Variants in TBCD observed in about 807,000 individuals in gnomAD.
TBCD encodes the protein tubulin-specific chaperone D.
TBCD carries 105 observed loss-of-function variants against 169.3 expected under a neutral mutation model. The observed-to-expected ratio is 0.62, with a 90% CI of 0.53 to 0.73. The LOEUF is 0.73. Among genes scored for constraint, TBCD ranks in the 30% least tolerant of loss-of-function variants. The probability of loss-of-function intolerance (pLI) is 0.00; values close to 1 mark genes in which losing one functional copy is unlikely to be tolerated. For missense variants in TBCD, 1,444 were observed against 1,600.1 expected (o/e 0.90, Z 1.66); for synonymous variants, 700 against 643.9 (o/e 1.09, Z -1.32).
intron 14 of TBCD, among the ~76,000 whole-genome samples, chr17:82,881,788 C>T (rs1205905975): frequency 6.6e-6 from 1 of 152,192 alleles, no homozygotes; most frequent in Non-Finnish European, 1.5e-5. Flanking sequence ...AAAGATGCTT[C>T]CTATGTTTAT....
chr17:82,828,542 A>G (rs1355989276), intron 13 of TBCD, among the ~76,000 whole-genome samples: 1 of 63,610 alleles, frequency 1.6e-5, no homozygotes, highest in Non-Finnish European at 3.5e-5. Context: ...CACCGGCACA[A>G]TGGAATGTGC....
At chr17:82,936,513 C>T (rs1383714037) in intron 34 of TBCD, among the ~76,000 whole-genome samples, 3 of 152,172 alleles carry the variant, frequency 2.0e-5, no homozygotes, top group South Asian at 2.1e-4. Flanking sequence ...TCTCTCGGGA[C>T]GTTGCGTTTG....
chr17:82,944,815 T>C lies in TBCD; in HGVS notation c.*2352T>C, dbSNP rs1042296201. Reference sequence around the variant, plus strand: ...CTGGAATCTAGTCACGCTATTTTGATAGCAGAATGGATGAGAGAATTTAAG... The same window carrying C: ...CTGGAATCTAGTCACGCTATTTTGACAGCAGAATGGATGAGAGAATTTAAG... On this transcript the variant is annotated 3_prime_UTR_variant, in exon 39 of 39. Coordinates refer to ENST00000355528, the MANE Select transcript of TBCD (RefSeq NM_005993.5). 4.6e-5 allele frequency: 7 copies of C among 152,186 alleles called. No homozygotes were observed. Among genetic ancestry groups the C allele is most frequent in the Non-Finnish European group, 8.8e-5 (6 of 68,028 alleles). 9.4% of individuals were successfully genotyped at this position (152,186 alleles called of 1,614,324 possible).
intron 11 of TBCD, among the ~76,000 whole-genome samples, chr17:82,808,663 G>C (rs1236487640): frequency 2.9e-5 from 4 of 136,934 alleles, no homozygotes; most frequent in South Asian, 2.6e-4. Flanking sequence ...AAGGCAGGTG[G>C]AGGGGCTGGC....
At chr17:82,937,529 G>A (rs2062730307) in intron 35 of TBCD, 169 bp downstream of exon 35, 1 of 651,450 alleles carries the variant, frequency 1.5e-6, no homozygotes, top group Admixed American at 2.7e-5. Flanking sequence ...GGGAGGTGAG[G>A]CAGCCCAGGT....
At chr17:82,924,686 G>A (rs2061613279) in intron 26 of TBCD, among the ~76,000 whole-genome samples, 2 of 152,232 alleles carry the variant, frequency 1.3e-5, no homozygotes, top group African/African-American at 2.4e-5. Context: ...GTGTGGGGTT[G>A]AGGCTGCAGC....
chr17:82,920,875 G>T lies in TBCD; in HGVS notation c.2101+257G>T. On this transcript the variant is annotated intron_variant, in intron 24 of 38. Coordinates refer to ENST00000355528, the MANE Select transcript of TBCD (RefSeq NM_005993.5). This position sits in a 1 kb window ranked among gnomAD's most constrained non-coding sequence, Gnocchi z 4.1. ...CCACCTCCTCGCTTCCATGCCCAGG[G>T]CCCGGCACTCTGGGTCAGTTCTTCT... 1 of 500,090 alleles carries T rather than the reference G, an allele frequency of 2.0e-6. No homozygotes were observed. Among genetic ancestry groups the T allele is most frequent in the Non-Finnish European group, 3.6e-6 (1 of 281,150 alleles). The allele number at this position is 500,090 out of a possible 1,614,324, so 31.0% of individuals were successfully genotyped here.
At chr17:82,758,400 A>AAATAAAAAT (rs1555672643) in intron 2 of TBCD, among the ~76,000 whole-genome samples, 7 of 100,032 alleles carry the variant, frequency 7.0e-5, no homozygotes, top group African/African-American at 1.8e-4. Flanking sequence ...AAAAAAAAAA[A>AAATAAAAAT]AAATAAATAA....
chr17:82,852,012 T>C (rs1463543990), intron 13 of TBCD, among the ~76,000 whole-genome samples: 3 of 152,200 alleles, frequency 2.0e-5, no homozygotes, highest in South Asian at 2.1e-4. Context: ...GCAATTCACA[T>C]GCCATTCAGT....
chr17:82,832,133 T>G lies in TBCD; in HGVS notation c.1318+17199T>G. 8.7e-6 allele frequency: 14 copies of G among 1,614,204 alleles called. No individual in the cohort carries two copies. The highest frequency in any genetic ancestry group is 1.2e-5 in the Non-Finnish European group (14 of 1,180,030). On this transcript the variant is annotated intron_variant, in intron 13 of 38. Coordinates refer to ENST00000355528, the MANE Select transcript of TBCD (RefSeq NM_005993.5). The surrounding 1 kb of genome is among the most constrained non-coding windows in gnomAD (Gnocchi z 4.9). Reference sequence around the variant, plus strand: ...TCCAGGTTTTCCTTGATGTCTTCCCTGGCAGAGCTGTGCTGAAGCTTCGAG... The same window carrying G: ...TCCAGGTTTTCCTTGATGTCTTCCCGGGCAGAGCTGTGCTGAAGCTTCGAG...
intron 7 of TBCD, among the ~76,000 whole-genome samples, chr17:82,791,122 C>T (rs937979761): frequency 3.6e-5 from 5 of 138,896 alleles, no homozygotes; most frequent in African/African-American, 5.6e-5. Flanking sequence ...GACGGAGTCT[C>T]GCTCTGTTGC....
intron 13 of TBCD, among the ~76,000 whole-genome samples, chr17:82,851,974 A>C (rs778161617): frequency 5.9e-5 from 9 of 152,184 alleles, no homozygotes; most frequent in Non-Finnish European, 1.3e-4. Context: ...TGTTGACCCC[A>C]TAGGATTTTT....
chr17:82,832,275 A>T lies in TBCD; in HGVS notation c.1318+17341A>T. ...TAGATTTAGGGCACTTGGGAACTCG[A>T]TCCTGCTCTGATACTAAAGTAATCG... On this transcript the variant is annotated intron_variant, in intron 13 of 38. Coordinates refer to ENST00000355528, the MANE Select transcript of TBCD (RefSeq NM_005993.5). This position sits in a 1 kb window ranked among gnomAD's most constrained non-coding sequence, Gnocchi z 4.9. 1.2e-6 allele frequency: 2 copies of T among 1,614,182 alleles called. No individual in the cohort carries two copies. Among genetic ancestry groups the T allele is most frequent in the Non-Finnish European group, 1.7e-6 (2 of 1,180,036 alleles).
intron 2 of TBCD, among the ~76,000 whole-genome samples, chr17:82,758,756 T>C (rs1184989229): frequency 1.4e-5 from 2 of 143,584 alleles, no homozygotes; most frequent in Non-Finnish European, 3.0e-5. Flanking sequence ...GCCTCCAGGG[T>C]TCAAGCGATT....
intron 13 of TBCD, among the ~76,000 whole-genome samples, chr17:82,825,589 C>T (rs1026300990): frequency 6.6e-6 from 1 of 152,078 alleles, no homozygotes; most frequent in Non-Finnish European, 1.5e-5. Context: ...TGCTGGTGTC[C>T]TTGCTGCTGC....
chr17:82,886,794 C>A (rs1351599398), intron 15 of TBCD, among the ~76,000 whole-genome samples: 1 of 148,690 alleles, frequency 6.7e-6, no homozygotes, highest in Non-Finnish European at 1.5e-5. Context: ...CTCAGCCTCC[C>A]GAGTAGCTGG....
rs950605638 is a variant in TBCD, at chr17:82,903,646, G to A, written c.1804+168G>A. On this transcript the variant is annotated intron_variant, in intron 19 of 38. Coordinates refer to ENST00000355528, the MANE Select transcript of TBCD (RefSeq NM_005993.5). This position sits in a 1 kb window ranked among gnomAD's most constrained non-coding sequence, Gnocchi z 4.8. ...TGATCAGTGGATAGGCTGTGAGGAC[G>A]GATGCGGTGAGTGTGTCCGCCTGCA... Among the ~76,000 whole-genome samples, 14 of 152,238 alleles carry A rather than the reference G, an allele frequency of 9.2e-5. No individual in the cohort carries two copies. Among genetic ancestry groups the A allele is most frequent in the Non-Finnish European group, 1.9e-4 (13 of 68,046 alleles).
Position 82,832,340 on chromosome 17 carries a change from G to T in TBCD, c.1318+17406G>T. The stretch of plus-strand genomic sequence containing the variant: ...CCATACTTCATGTGATTAAAAAGAT[G>T]TGACTTCTCATTGCAAGTAAAGGGA... On this transcript the variant is annotated intron_variant, in intron 13 of 38. Coordinates refer to ENST00000355528, the MANE Select transcript of TBCD (RefSeq NM_005993.5). The surrounding 1 kb of genome is among the most constrained non-coding windows in gnomAD (Gnocchi z 4.9). 1 of 1,614,202 alleles carries T rather than the reference G, an allele frequency of 6.2e-7. No homozygotes were observed. Among genetic ancestry groups the T allele is most frequent in the Non-Finnish European group, 8.5e-7 (1 of 1,180,038 alleles).
At chr17:82,763,679 T>A (rs1057398162) in intron 2 of TBCD, among the ~76,000 whole-genome samples, 3 of 151,948 alleles carry the variant, frequency 2.0e-5, no homozygotes, top group Non-Finnish European at 4.4e-5. Context: ...AGGTGGAGGT[T>A]GCAGTGAGCT....
Sources: gnomAD v4.1 joint callset for allele counts (sites outside exome capture counted in the v4.1 genomes callset) on GRCh38, gnomAD v4.1.1 for gene constraint, Gnocchi (gnomAD v3.1) non-coding constraint, MANE v1.5 for transcripts, NCBI Gene and HGNC (gene_info 2026-07-23, HGNC 2026-07-21) for gene names.